The following HIVEP2 variants were observed in gnomAD, a reference collection of about 807,000 sequenced individuals.
HIVEP2 encodes transcription factor HIVEP2.
A neutral mutation model predicts 180.7 loss-of-function variants in HIVEP2; 14 were observed. That is an observed-to-expected ratio of 0.08 (90% CI 0.05 to 0.12). The LOEUF (loss-of-function observed/expected upper bound fraction) is 0.12. HIVEP2 is among the 10% of genes least tolerant of loss of function. The pLI, the probability that HIVEP2 is intolerant of heterozygous loss-of-function variation, is 1.00. For synonymous variants in HIVEP2, 1,184 were observed against 1,136.4 expected (o/e 1.04, Z -0.84); for missense variants, 2,579 against 3,008.5 (o/e 0.86, Z 3.34).
rs1447005363 is a variant in HIVEP2, at chr6:142,771,015, A to G, written c.3724T>C (p.Tyr1242His). The change falls in exon 5 of 10, where the codon TAT (tyrosine) becomes CAT (histidine). Residue 1242 changes from tyrosine (Y) to histidine (H), a missense_variant. Around this residue, in one of 11 missense-constraint regions of HIVEP2, gnomAD observed 523 missense variants for 577.0 expected, o/e 0.91. Coordinates refer to ENST00000367603, the MANE Select transcript of HIVEP2 (RefSeq NM_006734.4). This position sits in a 1 kb window ranked among gnomAD's most constrained non-coding sequence, Gnocchi z 5.4. The part of the protein sequence containing the change: ...HPFAQHPQKS[Y>H]GKPSFQTEIH... The stretch of plus-strand genomic sequence containing the variant: ...TCTGTCTGAAAAGAGGGCTTGCCAT[A>G]GCTCTTCTGAGGGTGCTGAGCAAAG... 2 of 1,614,200 alleles carry G rather than the reference A, an allele frequency of 1.2e-6. No individual in the cohort carries two copies. The highest frequency in any genetic ancestry group is 1.1e-5 in the South Asian group (1 of 91,088).
chr6:142,795,846 T>A (rs538218496), intron 2 of HIVEP2, among the ~76,000 whole-genome samples: 2 of 152,296 alleles, frequency 1.3e-5, no homozygotes, highest in Admixed American at 1.3e-4. Flanking sequence ...CTTGGCCTCC[T>A]GCTTCTCAGT....
chr6:142,752,903 T>G lies in HIVEP2; in HGVS notation c.*204A>C. 1.8e-6 allele frequency: 1 copy of G among 543,642 alleles called. No homozygotes were observed. Among genetic ancestry groups the G allele is most frequent in the Non-Finnish European group, 3.3e-6 (1 of 306,036 alleles). 33.7% of individuals were successfully genotyped at this position (543,642 alleles called of 1,614,324 possible). A position where few individuals can be genotyped will look rare whatever the true frequency, so the allele number is the denominator to read the frequency against. ...ACAATTTTAAAAGTACCAGACCCAA[T>G]AGGTTAATTTCAAATTTTGTTTTGG... On this transcript the variant is annotated 3_prime_UTR_variant, in exon 10 of 10. Coordinates refer to ENST00000367603, the MANE Select transcript of HIVEP2 (RefSeq NM_006734.4).
chr6:142,798,263 C>T (rs745473255), intron 2 of HIVEP2, among the ~76,000 whole-genome samples: 2 of 150,874 alleles, frequency 1.3e-5, no homozygotes, highest in Middle Eastern at 3.2e-3. Flanking sequence ...AGTGAGACTT[C>T]GTCTCAAAAA....
In HIVEP2 at chr6:142,799,223, AG is replaced by A. The variant is rs201970266; in HGVS notation, c.-527-15609del. On this transcript the variant is annotated intron_variant, in intron 2 of 9. Transcript: ENST00000367603. ...TTTCATAAACAAAACATTACTACAT[AG>A]AATATAAATGCCAAAATTCCTGCTT... Among the ~76,000 whole-genome samples, 554 of 152,336 alleles carry A rather than the reference AG, an allele frequency of 3.6e-3. 3 individuals carry two copies. The highest frequency in any genetic ancestry group is 0.013 in the African/African-American group (535 of 41,584).
intron 1 of HIVEP2, among the ~76,000 whole-genome samples, chr6:142,904,821 G>A (rs1292300297): frequency 6.6e-6 from 1 of 152,080 alleles, no homozygotes; most frequent in Non-Finnish European, 1.5e-5. Context: ...ATCATTCTTA[G>A]TCTTTCTACT....
chr6:142,770,980 C>T lies in HIVEP2; in HGVS notation c.3759G>A (p.Ser1253=), dbSNP rs766404010. Residue 1253 remains serine, a synonymous_variant, in exon 5 of 10, where the codon TCG becomes TCA. Transcript: ENST00000367603. The surrounding 1 kb of genome is among the most constrained non-coding windows in gnomAD (Gnocchi z 4.7). Reference sequence around the variant, plus strand: ...CTGCCACATGCTCTAAGGGATAGCTCGAATGGATTTCTGTCTGAAAAGAGG... The same window carrying T: ...CTGCCACATGCTCTAAGGGATAGCTTGAATGGATTTCTGTCTGAAAAGAGG... The part of the protein sequence containing the change: ...GKPSFQTEIH[S]SYPLEHVAEH... 7.4e-6 allele frequency: 12 copies of T among 1,614,074 alleles called. No individual in the cohort carries two copies. The East Asian group carries it at 1.6e-4, about 21-fold the overall frequency.
At chr6:142,778,936 T>C (rs891905035) in intron 3 of HIVEP2, among the ~76,000 whole-genome samples, 2 of 152,172 alleles carry the variant, frequency 1.3e-5, no homozygotes, top group South Asian at 4.1e-4. Flanking sequence ...TGCATGTTTG[T>C]AGTACAAAAA....
intron 2 of HIVEP2, among the ~76,000 whole-genome samples, chr6:142,811,054 T>A (rs993595259): frequency 5.9e-5 from 9 of 152,336 alleles, no homozygotes; most frequent in African/African-American, 1.9e-4. Flanking sequence ...AAAACCGATG[T>A]GTTTTGGACA....
chr6:142,752,820 C>T lies in HIVEP2; in HGVS notation c.*287G>A, dbSNP rs1774954521. ...CAAATTCTAAAATATGTACAAATTA[C>T]TGCTAAAAAATGCTTATAAGAATAT... is the stretch of plus-strand genomic sequence containing the variant. On this transcript the variant is annotated 3_prime_UTR_variant, in exon 10 of 10. Coordinates refer to ENST00000367603, the MANE Select transcript of HIVEP2 (RefSeq NM_006734.4). The T allele has an allele frequency of 3.4e-6, 1 of 291,906 alleles. No homozygotes were observed. Among genetic ancestry groups the T allele is most frequent in the Non-Finnish European group, 6.4e-6 (1 of 156,526 alleles). The allele number at this position is 291,906 out of a possible 1,614,324, so 18.1% of individuals were successfully genotyped here. A position where few individuals can be genotyped will look rare whatever the true frequency, so the allele number is the denominator to read the frequency against.
At chr6:142,863,192 T>A (rs1349826063) in intron 1 of HIVEP2, among the ~76,000 whole-genome samples, 4 of 150,218 alleles carry the variant, frequency 2.7e-5, no homozygotes. Context: ...TTTTTTTTAA[T>A]AAATTCCCTG....
chr6:142,904,505 T>C (rs919087256), intron 1 of HIVEP2, among the ~76,000 whole-genome samples: 1 of 152,058 alleles, frequency 6.6e-6, no homozygotes, highest in Non-Finnish European at 1.5e-5. Flanking sequence ...GTATCAGAGG[T>C]GAATGTGACA....
In HIVEP2 at chr6:142,753,272, A is replaced by C; in HGVS notation, c.7176T>G (p.Gly2392=). Residue 2392 remains glycine (G), a synonymous_variant, in exon 10 of 10, where the codon GGT becomes GGG. Coordinates refer to ENST00000367603, the MANE Select transcript of HIVEP2 (RefSeq NM_006734.4). ...GTGATGTACCAAAATTGTCCTTTTC[A>C]CCATCATGCAAGTCAGGGTGGGTGG... The part of the protein sequence containing the change: ...TSATHPDLHD[G]EKDNFGTSQT... The C allele has an allele frequency of 6.2e-7, 1 of 1,614,178 alleles. No individual in the cohort carries two copies. Among genetic ancestry groups the C allele is most frequent in the Non-Finnish European group, 8.5e-7 (1 of 1,180,040 alleles).
intron 7 of HIVEP2, 44 bp downstream of exon 7, chr6:142,764,755 G>A: frequency 7.1e-7 from 1 of 1,409,268 alleles, no homozygotes; most frequent in South Asian, 1.2e-5. Context: ...AATCTAAGTA[G>A]CCATAGAGAA....
intron 2 of HIVEP2, among the ~76,000 whole-genome samples, chr6:142,803,132 T>C (rs921877693): frequency 6.6e-6 from 1 of 152,174 alleles, no homozygotes; most frequent in Non-Finnish European, 1.5e-5. Flanking sequence ...GTGTATTTAA[T>C]TCTTACTAAA....
chr6:142,905,994 C>A lies in HIVEP2; in HGVS notation c.-641+39105G>T, dbSNP rs150569674. Among the ~76,000 whole-genome samples, 607 of 152,230 alleles carry A rather than the reference C, an allele frequency of 4.0e-3. 15 individuals carry two copies. The highest frequency in any genetic ancestry group is 0.037 in the Admixed American group (559 of 15,284). ...ACTAAAAACACAAAAATTAGCTGGG[C>A]GTGGTGGCACATGCCTGTAATCCCA... On this transcript the variant is annotated intron_variant, in intron 1 of 9. Coordinates refer to ENST00000367603, the MANE Select transcript of HIVEP2 (RefSeq NM_006734.4).
At chr6:142,798,939 G>A (rs1776342967) in intron 2 of HIVEP2, among the ~76,000 whole-genome samples, 1 of 152,148 alleles carries the variant, frequency 6.6e-6, no homozygotes, top group Non-Finnish European at 1.5e-5. Flanking sequence ...TTATATATTA[G>A]CAGAGTTAAG....
Position 142,759,909 on chromosome 6 carries a change from T to G in HIVEP2, c.6379A>C (p.Arg2127=). ...VSPGKDITAR[R]DLSPRRERRY... ...CTCTCTCTTCTAGGAGAGAGGTCTC[T>G]TCTTGCTGTGATATCTTTCCCAGGA... Residue 2127 remains arginine (R), a synonymous_variant, in exon 9 of 10, where the codon AGA becomes CGA. Coordinates refer to ENST00000367603, the MANE Select transcript of HIVEP2 (RefSeq NM_006734.4). The G allele has an allele frequency of 6.2e-6, 10 of 1,614,152 alleles. No homozygotes were observed. Among genetic ancestry groups the G allele is most frequent in the Non-Finnish European group, 7.6e-6 (9 of 1,180,020 alleles).
chr6:142,785,255 C>CA (rs897819580), intron 2 of HIVEP2, among the ~76,000 whole-genome samples: 10 of 85,998 alleles, frequency 1.2e-4, no homozygotes, highest in African/African-American at 3.1e-4. Context: ...AAAAGCACTT[C>CA]AAAAAAAACC....
intron 1 of HIVEP2, among the ~76,000 whole-genome samples, chr6:142,941,052 GA>G (rs1357378964): frequency 2.6e-5 from 4 of 152,294 alleles, no homozygotes; most frequent in African/African-American, 9.6e-5. Context: ...TCACGTCATA[GA>G]AAATACCTCA....
Sources: gnomAD v4.1 joint callset for allele counts (sites outside exome capture counted in the v4.1 genomes callset) on GRCh38, gnomAD v4.1.1 for gene constraint, gnomAD v4.1.1 regional missense constraint, Gnocchi (gnomAD v3.1) non-coding constraint, MANE v1.5 for transcripts, NCBI Gene and HGNC (gene_info 2026-07-23, HGNC 2026-07-21) for gene names.